Variants in ANKFN1 observed in about 807,000 individuals in gnomAD.
The protein encoded by ANKFN1 is ankyrin repeat and fibronectin type III domain containing 1, also known as ankyrin repeat and fibronectin type-III domain-containing protein 1.
A neutral mutation model predicts 108.7 loss-of-function variants in ANKFN1; 74 were observed. The observed-to-expected ratio is 0.68, with a 90% CI of 0.56 to 0.83. The LOEUF (loss-of-function observed/expected upper bound fraction) is 0.83. Among genes scored for constraint, ANKFN1 ranks in the 40% least tolerant of loss-of-function variants. The pLI, the probability that ANKFN1 is intolerant of heterozygous loss-of-function variation, is 0.00. For synonymous variants in ANKFN1, 547 were observed against 516.2 expected (o/e 1.06, Z -0.81); for missense variants, 1,505 against 1,382.3 (o/e 1.09, Z -1.41).
intron 3 of ANKFN1, among the ~76,000 whole-genome samples, chr17:56,306,131 T>C (rs2044816686): frequency 6.6e-6 from 1 of 152,250 alleles, no homozygotes; most frequent in African/African-American, 2.4e-5. Context: ...TTGTTTTAGC[T>C]ATTCTGGTTC....
chr17:56,347,670 G>C (rs932725647), intron 4 of ANKFN1, among the ~76,000 whole-genome samples: 3 of 151,900 alleles, frequency 2.0e-5, no homozygotes, highest in Non-Finnish European at 4.4e-5. Context: ...TAAATATAGA[G>C]GAGAAAAAGA....
chr17:56,096,555 GA>G (rs567188677), intron 4 of ANKFN1, among the ~76,000 whole-genome samples: 55 of 150,710 alleles, frequency 3.6e-4, no homozygotes, highest in Non-Finnish European at 6.4e-4. Flanking sequence ...AGGAACAACA[GA>G]AAAAAAAAGT....
At chr17:56,241,858 T>C (rs1282489799) in intron 3 of ANKFN1, among the ~76,000 whole-genome samples, 1 of 151,968 alleles carries the variant, frequency 6.6e-6, no homozygotes, top group African/African-American at 2.4e-5. Flanking sequence ...ACTCAGACAA[T>C]GAATTTCATA....
intron 3 of ANKFN1, among the ~76,000 whole-genome samples, chr17:56,304,243 G>A (rs1265601509): frequency 6.6e-6 from 1 of 152,038 alleles, no homozygotes; most frequent in African/African-American, 2.4e-5. Context: ...TTATATAGAT[G>A]GAATAATATA....
At chr17:56,307,252 C>G (rs2044857477) in intron 3 of ANKFN1, among the ~76,000 whole-genome samples, 1 of 152,170 alleles carries the variant, frequency 6.6e-6, no homozygotes, top group Non-Finnish European at 1.5e-5. Context: ...TGAGGAACTT[C>G]TGCACAGCAA....
chr17:56,069,378 A>G (rs1441253011), intron 4 of ANKFN1, among the ~76,000 whole-genome samples: 1 of 152,194 alleles, frequency 6.6e-6, no homozygotes, highest in Non-Finnish European at 1.5e-5. Flanking sequence ...GGCTGACCTG[A>G]GACTGGACCT....
At chr17:56,295,465 C>T (rs1598366741) in intron 3 of ANKFN1, among the ~76,000 whole-genome samples, 1 of 152,242 alleles carries the variant, frequency 6.6e-6, no homozygotes, top group Middle Eastern at 3.4e-3. Flanking sequence ...ACCCAAGACT[C>T]TTGAAGCAGA....
At chr17:56,393,012 T>A (rs2047482844) in intron 8 of ANKFN1, among the ~76,000 whole-genome samples, 1 of 152,200 alleles carries the variant, frequency 6.6e-6, no homozygotes, top group Non-Finnish European at 1.5e-5. Context: ...ATCACCTTCC[T>A]CTTTTTCCTG....
chr17:56,348,990 A>G (rs1162153467), intron 4 of ANKFN1, among the ~76,000 whole-genome samples: 3 of 152,212 alleles, frequency 2.0e-5, no homozygotes, highest in African/African-American at 7.2e-5. Context: ...ATGCCCATCA[A>G]TGATAGACTG....
chr17:56,393,015 T>C (rs1487522666), intron 8 of ANKFN1, among the ~76,000 whole-genome samples: 2 of 152,146 alleles, frequency 1.3e-5, no homozygotes, highest in African/African-American at 4.8e-5. Context: ...ACCTTCCTCT[T>C]TTTCCTGCCT....
chr17:56,137,444 T>G (rs1033398467), intron 4 of ANKFN1, among the ~76,000 whole-genome samples: 2 of 152,164 alleles, frequency 1.3e-5, no homozygotes, highest in Non-Finnish European at 2.9e-5. Flanking sequence ...TGATAAGCCC[T>G]CGTAGAAACT....
chr17:56,511,079 G>A lies in ANKFN1; in HGVS notation c.3251G>A (p.Arg1084Lys). The change falls in exon 21 of 21, where the codon AGG (arginine) becomes AAG (lysine). Residue 1084 changes from arginine to lysine, a missense_variant. Coordinates refer to ENST00000682825, the MANE Select transcript of ANKFN1 (RefSeq NM_001370326.1). ...EERNSSLQDA[R>K]PSVRRLYVEP... is the part of the protein sequence containing the mutation. ...CGGAACAGCAGTCTCCAGGACGCGA[G>A]GCCTTCCGTCCGCCGCCTCTACGTG... 6.5e-7 allele frequency: 1 copy of A among 1,536,022 alleles called. No homozygotes were observed. Among genetic ancestry groups the A allele is most frequent in the Non-Finnish European group, 8.7e-7 (1 of 1,146,868 alleles).
At chr17:56,446,904 CAAAACAAAAACA>C (rs888874357) in intron 10 of ANKFN1, among the ~76,000 whole-genome samples, 2 of 151,864 alleles carry the variant, frequency 1.3e-5, no homozygotes, top group East Asian at 1.9e-4. Context: ...GACTCCGTCT[CAAAACAAAAACA>C]AAAACAAAAA....
chr17:56,394,290 T>C (rs995537626), intron 8 of ANKFN1, among the ~76,000 whole-genome samples: 2 of 152,206 alleles, frequency 1.3e-5, no homozygotes, highest in African/African-American at 4.8e-5. Context: ...CTCACTGTCT[T>C]CAACACACTT....
At chr17:56,508,323 G>A (rs1488715460) in intron 20 of ANKFN1, among the ~76,000 whole-genome samples, 2 of 152,148 alleles carry the variant, frequency 1.3e-5, no homozygotes, top group Non-Finnish European at 2.9e-5. Context: ...TAAGCATTCA[G>A]TACCCTCCTC....
In ANKFN1 at chr17:56,482,344, G is replaced by A; in HGVS notation, c.2092-12G>A. ...ACTCTCCTATTTTTCCTCCGCGCGT[G>A]TCCCTCTGCAGGCAAGGAACTTCCG... On this transcript the variant is annotated splice_polypyrimidine_tract_variant and intron_variant, in intron 17 of 20. Coordinates refer to ENST00000682825, the MANE Select transcript of ANKFN1 (RefSeq NM_001370326.1). The A allele has an allele frequency of 6.3e-7, 1 of 1,583,654 alleles. No homozygotes were observed. Among genetic ancestry groups the A allele is most frequent in the South Asian group, 1.2e-5 (1 of 85,600 alleles).
intron 8 of ANKFN1, among the ~76,000 whole-genome samples, chr17:56,405,878 T>C (rs147895128): frequency 6.6e-6 from 1 of 152,224 alleles, no homozygotes; most frequent in East Asian, 1.9e-4. Context: ...TTGGAAGATG[T>C]ATAGGACGCT....
chr17:56,211,203 C>T (rs1250844609), intron 1 of ANKFN1, among the ~76,000 whole-genome samples: 2 of 152,112 alleles, frequency 1.3e-5, no homozygotes, highest in Non-Finnish European at 2.9e-5. Flanking sequence ...AGGGTTTTTC[C>T]AAAGTTGTCT....
chr17:56,457,506 T>A, intron 13 of ANKFN1, 117 bp downstream of exon 13: 1 of 1,187,928 alleles, frequency 8.4e-7, no homozygotes, highest in Non-Finnish European at 1.2e-6. Context: ...AGAAATAAAG[T>A]ATCTCCAAGG....
Sources: allele counts gnomAD v4.1 joint callset (sites outside exome capture counted in the v4.1 genomes callset), GRCh38; gene constraint gnomAD v4.1.1; transcripts MANE v1.5; gene names NCBI Gene and HGNC (gene_info 2026-07-23, HGNC 2026-07-21).